TGFBRAP1: variants seen among roughly 807,000 people sequenced by gnomAD.
The protein encoded by TGFBRAP1 is transforming growth factor-beta receptor-associated protein 1.
Under a neutral mutation model 83.2 loss-of-function variants are expected in TGFBRAP1, and 20 were observed. The ratio of observed to expected loss-of-function variants is 0.24; its 90% CI spans 0.17 to 0.35. The LOEUF is 0.35. Ranked by LOEUF, TGFBRAP1 falls within the 10% of genes least tolerant of loss-of-function variation. The pLI, the probability that TGFBRAP1 is intolerant of heterozygous loss-of-function variation, is 1.00. For missense variants in TGFBRAP1, 950 were observed against 1,099.4 expected (o/e 0.86, Z 1.92); for synonymous variants, 415 against 459.8 (o/e 0.90, Z 1.25).
chr2:105,311,410 T>C (rs1464714704), intron 1 of TGFBRAP1, among the ~76,000 whole-genome samples: 1 of 152,026 alleles, frequency 6.6e-6, no homozygotes, highest in East Asian at 1.9e-4. Flanking sequence ...TCCTTAACCC[T>C]GTCTCTACAA....
At chr2:105,267,854 G>T (rs1281628092) in intron 11 of TGFBRAP1, 5 of 985,414 alleles carry the variant, frequency 5.1e-6, no homozygotes, top group Non-Finnish European at 4.8e-6. Flanking sequence ...CTCTGGCTCT[G>T]ATCATTTCAA....
chr2:105,308,184 C>T lies in TGFBRAP1; in HGVS notation c.118G>A (p.Gly40Ser). 1 of 1,614,208 alleles carries T rather than the reference C, an allele frequency of 6.2e-7. No homozygotes were observed. Among genetic ancestry groups the T allele is most frequent in the East Asian group, 2.2e-5 (1 of 44,878 alleles). The part of the protein sequence containing the change: ...VECCGRDLYV[G>S]TNDCFVYHFL... ...TGGTAGACGAAGCAGTCGTTGGTGC[C>T]CACGTAGAGGTCCCTGCCGCAGCAC... Residue 40 changes from glycine to serine, a missense_variant, in exon 2 of 12, where the codon GGC (glycine) becomes AGC (serine). By Grantham distance (56) the Gly-to-Ser change is moderately conservative. Coordinates refer to ENST00000393359, the MANE Select transcript of TGFBRAP1 (RefSeq NM_004257.6).
At chr2:105,250,609 TC>T in the TGFBRAP1 span, among the ~76,000 whole-genome samples, 1 of 84,436 alleles carries the variant, frequency 1.2e-5, no homozygotes, top group Non-Finnish European at 3.4e-5. Context: ...CCTCTCCCTC[TC>T]CCTCCTCTCC....
At chr2:105,271,938 T>C (rs1362624511) in intron 10 of TGFBRAP1, among the ~76,000 whole-genome samples, 2 of 152,204 alleles carry the variant, frequency 1.3e-5, no homozygotes, top group African/African-American at 4.8e-5. Context: ...TTTATTGCCA[T>C]GCTTTTTTGC....
At chr2:105,264,073 G>A (rs1173782611), downstream of TGFBRAP1, among the ~76,000 whole-genome samples, 4 of 152,232 alleles carry the variant, frequency 2.6e-5, no homozygotes, top group Non-Finnish European at 5.9e-5. Flanking sequence ...GTACGATTTT[G>A]TAAGAGTTAT....
At chr2:105,272,350 G>A (rs1322559218) in intron 10 of TGFBRAP1, among the ~76,000 whole-genome samples, 3 of 152,196 alleles carry the variant, frequency 2.0e-5, no homozygotes, top group Admixed American at 6.5e-5. Flanking sequence ...TGGGGGCAGT[G>A]CCTACTGCAA....
chr2:105,267,393 G>A lies in TGFBRAP1; in HGVS notation c.2573C>T (p.Thr858Ile), dbSNP rs375359172. The change falls in exon 12 of 12, where the codon ACT becomes ATT. Residue 858 changes from threonine (T) to isoleucine (I), a missense_variant. Transcript: ENST00000393359. ...HTNPSSSSPG[T>I]RT ...CTTGGGCCAAGCTTTTCAAGTCCGA[G>A]TGCCAGGACTGGATGAGCTGGGGTT... The A allele has an allele frequency of 5.6e-6, 9 of 1,614,076 alleles. No individual in the cohort carries two copies. The highest frequency in any genetic ancestry group is 1.3e-5 in the African/African-American group (1 of 74,924).
chr2:105,277,790 A>C, intron 6 of TGFBRAP1, 119 bp from the exon 7 acceptor site: 1 of 997,596 alleles, frequency 1.0e-6, no homozygotes, highest in African/African-American at 1.6e-5. Context: ...GTTCAGGCTC[A>C]TGCCTGTAAT....
chr2:105,250,733 C>T, the TGFBRAP1 span, among the ~76,000 whole-genome samples: 7 of 151,982 alleles, frequency 4.6e-5, no homozygotes, highest in East Asian at 1.9e-4. Flanking sequence ...GCTGCCATCT[C>T]GGCTCACTGC....
intron 1 of TGFBRAP1, among the ~76,000 whole-genome samples, chr2:105,319,828 TAC>T (rs914059999): frequency 6.3e-4 from 95 of 150,286 alleles, no homozygotes; most frequent in African/African-American, 2.3e-3. Flanking sequence ...AATGCATATA[TAC>T]ATATATGTAT....
intron 1 of TGFBRAP1, among the ~76,000 whole-genome samples, chr2:105,323,084 C>T (rs546711354): frequency 6.6e-6 from 1 of 152,298 alleles, no homozygotes; most frequent in South Asian, 2.1e-4. Context: ...GTATGCAACA[C>T]AGTGGGACAC....
At chr2:105,280,790 G>A in intron 5 of TGFBRAP1, 67 bp from the exon 6 acceptor site, 1 of 1,503,888 alleles carries the variant, frequency 6.6e-7, no homozygotes. Context: ...ACACAAAACA[G>A]CACTGGAGGG....
chr2:105,301,170 T>G (rs1464303108), intron 2 of TGFBRAP1, among the ~76,000 whole-genome samples: 1 of 151,910 alleles, frequency 6.6e-6, no homozygotes, highest in Non-Finnish European at 1.5e-5. Flanking sequence ...TGCAGTGAAC[T>G]GAGATTGTGC....
intron 4 of TGFBRAP1, among the ~76,000 whole-genome samples, chr2:105,290,930 C>T (rs564436481): frequency 4.6e-5 from 7 of 152,114 alleles, no homozygotes; most frequent in South Asian, 2.1e-4. Flanking sequence ...CCCTTGAACG[C>T]GGGAGGTGGA....
chr2:105,298,798 A>G, intron 2 of TGFBRAP1, 93 bp from the exon 3 acceptor site: 1 of 1,244,796 alleles, frequency 8.0e-7, no homozygotes, highest in Non-Finnish European at 1.1e-6. Context: ...ACCCCTGCCC[A>G]CCAGCAATTT....
At chr2:105,278,844 C>G (rs1281131052) in intron 6 of TGFBRAP1, among the ~76,000 whole-genome samples, 1 of 152,054 alleles carries the variant, frequency 6.6e-6, no homozygotes, top group Non-Finnish European at 1.5e-5. Context: ...TCCCTTGTCA[C>G]TACCATAAGG....
chr2:105,287,927 C>T (rs1280435321), intron 4 of TGFBRAP1, among the ~76,000 whole-genome samples: 1 of 152,100 alleles, frequency 6.6e-6, no homozygotes, highest in Non-Finnish European at 1.5e-5. Flanking sequence ...ACGATGGCAG[C>T]ACCGACACCT....
intron 10 of TGFBRAP1, among the ~76,000 whole-genome samples, chr2:105,270,458 G>A (rs904979724): frequency 2.6e-5 from 4 of 152,146 alleles, no homozygotes; most frequent in Admixed American, 2.6e-4. Flanking sequence ...GCCCTTATCT[G>A]CATTGCAATT....
intron 2 of TGFBRAP1, among the ~76,000 whole-genome samples, chr2:105,300,470 T>C: frequency 7.3e-6 from 1 of 137,722 alleles, no homozygotes. Context: ...ACAGTCTCGC[T>C]CTGTTGCCCA....
Sources: allele counts gnomAD v4.1 joint callset (sites outside exome capture counted in the v4.1 genomes callset), GRCh38; gene constraint gnomAD v4.1.1; transcripts MANE v1.5; gene names NCBI Gene and HGNC (gene_info 2026-07-23, HGNC 2026-07-21).